Variants in ITPKB observed in about 807,000 individuals in gnomAD.
The protein encoded by ITPKB is inositol-trisphosphate 3-kinase B.
Under a neutral mutation model 69.4 loss-of-function variants are expected in ITPKB, and 13 were observed. The ratio of observed to expected loss-of-function variants is 0.19; its 90% CI spans 0.12 to 0.30. The LOEUF (loss-of-function observed/expected upper bound fraction) is 0.30. ITPKB is among the 10% of genes least tolerant of loss of function. ITPKB has a pLI of 1.00. For synonymous variants in ITPKB, 584 were observed against 513.7 expected (o/e 1.14, Z -1.85); for missense variants, 1,240 against 1,250.5 (o/e 0.99, Z 0.13).
At chr1:226,708,192 T>C (rs534897199) in intron 2 of ITPKB, among the ~76,000 whole-genome samples, 2 of 152,358 alleles carry the variant, frequency 1.3e-5, no homozygotes, top group South Asian at 2.1e-4. Flanking sequence ...TTTACAACGA[T>C]TGTAAATACC....
At chr1:226,691,257 T>G (rs1656342818) in intron 2 of ITPKB, among the ~76,000 whole-genome samples, 1 of 152,048 alleles carries the variant, frequency 6.6e-6, no homozygotes, top group South Asian at 2.1e-4. Context: ...AAAACCTCTG[T>G]TTTTTCTCTT....
chr1:226,681,231 C>T (rs1210032356), intron 2 of ITPKB, among the ~76,000 whole-genome samples: 7 of 152,168 alleles, frequency 4.6e-5, no homozygotes, highest in African/African-American at 9.7e-5. Flanking sequence ...TCCTTTCTTC[C>T]TAGCCTGTGA....
At chr1:226,647,017 TG>T in intron 4 of ITPKB, 149 bp downstream of exon 4, 1 of 658,662 alleles carries the variant, frequency 1.5e-6, no homozygotes, top group African/African-American at 1.8e-5. Context: ...GGGAGATGCC[TG>T]GGGATGGGGA....
chr1:226,694,244 GAA>G (rs1342970722), intron 2 of ITPKB, among the ~76,000 whole-genome samples: 1 of 152,208 alleles, frequency 6.6e-6, no homozygotes, highest in African/African-American at 2.4e-5. Context: ...CAAGGTGCAT[GAA>G]AAGACAGAAA....
rs528458211 is a variant in ITPKB at position 226,685,962 on chromosome 1, G to A, written c.1933-37191C>T. ...AGAAACTGAGGATGGGGGAGGAAAC[G>A]AGAAAGAGTGAGGGAGAAGAGGAGG... On this transcript the variant is annotated intron_variant, in intron 2 of 7. Coordinates refer to ENST00000429204, the MANE Select transcript of ITPKB (RefSeq NM_002221.4). Among the ~76,000 whole-genome samples, 178 of 152,286 alleles carry A rather than the reference G, an allele frequency of 1.2e-3. 7 individuals are homozygous for A. Among genetic ancestry groups the A allele is most frequent in the Non-Finnish European group, 7.9e-4 (54 of 68,026 alleles).
At chr1:226,707,029 T>A (rs1247889606) in intron 2 of ITPKB, among the ~76,000 whole-genome samples, 2 of 152,144 alleles carry the variant, frequency 1.3e-5, no homozygotes, top group African/African-American at 4.8e-5. Context: ...CTAAGGGTGG[T>A]TGCATAAGAA....
At chr1:226,697,814 C>T (rs1196961983) in intron 2 of ITPKB, among the ~76,000 whole-genome samples, 2 of 152,232 alleles carry the variant, frequency 1.3e-5, no homozygotes, top group African/African-American at 4.8e-5. Context: ...GCCCTAGGAA[C>T]ACCACAGTTC....
intron 2 of ITPKB, among the ~76,000 whole-genome samples, chr1:226,667,584 G>A (rs1558079586): frequency 6.6e-6 from 1 of 152,160 alleles, no homozygotes; most frequent in Non-Finnish European, 1.5e-5. Flanking sequence ...ACCCAGGCAG[G>A]TAACCTGGGC....
At chr1:226,676,917 G>A (rs572664265) in intron 2 of ITPKB, among the ~76,000 whole-genome samples, 2 of 152,288 alleles carry the variant, frequency 1.3e-5, no homozygotes, top group Non-Finnish European at 2.9e-5. Context: ...AGAACTGGAA[G>A]GACCATATTG....
rs189628313 is a variant in ITPKB, at chr1:226,680,547, T to C, written c.1933-31776A>G. Among the ~76,000 whole-genome samples, 9 of 152,274 alleles carry C rather than the reference T, an allele frequency of 5.9e-5. No homozygotes were observed. In the East Asian group the frequency reaches 1.7e-3, roughly 29 times the overall value. The stretch of plus-strand genomic sequence containing the variant: ...TCTAATGATTACTTGTATTAAGTTA[T>C]CCACGATTCTTATGAAAAAGGAAAG... On this transcript the variant is annotated intron_variant, in intron 2 of 7. Transcript: ENST00000429204.
intron 4 of ITPKB, 59 bp downstream of exon 4, chr1:226,647,108 G>A: frequency 6.6e-7 from 1 of 1,509,836 alleles, no homozygotes; most frequent in Non-Finnish European, 9.2e-7. Context: ...GCCACGCTGT[G>A]CACCTGCCAT....
intron 4 of ITPKB, among the ~76,000 whole-genome samples, chr1:226,643,665 G>C (rs1042563214): frequency 1.3e-5 from 2 of 152,248 alleles, no homozygotes; most frequent in African/African-American, 4.8e-5. Flanking sequence ...TGCACGGAAA[G>C]AAAAGGGAAG....
At chr1:226,689,049 A>T (rs1370128037) in intron 2 of ITPKB, among the ~76,000 whole-genome samples, 3 of 152,164 alleles carry the variant, frequency 2.0e-5, no homozygotes, top group East Asian at 3.9e-4. Flanking sequence ...CCAAGGAGAG[A>T]CGTTTAGCTT....
At chr1:226,710,975 A>C (rs571314959) in intron 2 of ITPKB, among the ~76,000 whole-genome samples, 2 of 152,350 alleles carry the variant, frequency 1.3e-5, no homozygotes, top group African/African-American at 4.8e-5. Flanking sequence ...TGGGCCAGGC[A>C]TTCAACCCCA....
rs2102657234 is a variant in ITPKB, at chr1:226,738,698, CGCG to C, written c.-206+340_-206+342del. Among the ~76,000 whole-genome samples, 1 of 152,272 alleles carries C rather than the reference CGCG, an allele frequency of 6.6e-6. No homozygotes were observed. The highest frequency in any genetic ancestry group is 2.4e-5 in the African/African-American group (1 of 41,572). ...GCGCTCTAACACCCCAGGGCAGCGC[CGCG>C]GAGCGCAGGGCTTCTCCGCATCCCG... On this transcript the variant is annotated intron_variant, in intron 1 of 7. Coordinates refer to ENST00000429204, the MANE Select transcript of ITPKB (RefSeq NM_002221.4). The surrounding 1 kb of genome is among the most constrained non-coding windows in gnomAD (Gnocchi z 4.2).
intron 2 of ITPKB, chr1:226,707,068 A>C: frequency 1.1e-5 from 5 of 456,684 alleles, no homozygotes; most frequent in Non-Finnish European, 1.4e-5. Flanking sequence ...ACCCTCCAGT[A>C]CCATATGGGC....
At chr1:226,727,292 T>C (rs1473664559) in intron 2 of ITPKB, among the ~76,000 whole-genome samples, 1 of 152,194 alleles carries the variant, frequency 6.6e-6, no homozygotes, top group East Asian at 1.9e-4. Context: ...CAGTCAGTCA[T>C]CAATTGCCAT....
intron 2 of ITPKB, among the ~76,000 whole-genome samples, chr1:226,680,394 G>C (rs1230436107): frequency 1.3e-5 from 2 of 152,196 alleles, no homozygotes; most frequent in East Asian, 3.9e-4. Context: ...GGAAGCCTGA[G>C]GGCATCCCAG....
At chr1:226,726,950 A>G (rs1233889892) in intron 2 of ITPKB, among the ~76,000 whole-genome samples, 1 of 152,188 alleles carries the variant, frequency 6.6e-6, no homozygotes, top group African/African-American at 2.4e-5. Context: ...ACTGGCAGGT[A>G]GTTAGATTTT....
Sources: allele counts gnomAD v4.1 joint callset (sites outside exome capture counted in the v4.1 genomes callset), GRCh38; gene constraint gnomAD v4.1.1; non-coding constraint Gnocchi (gnomAD v3.1); transcripts MANE v1.5; gene names NCBI Gene and HGNC (gene_info 2026-07-23, HGNC 2026-07-21).